RBFOX1: variants seen among roughly 807,000 people sequenced by gnomAD.
RBFOX1 encodes RNA binding fox-1 homolog 1, also known as RNA binding protein fox-1 homolog 1.
In RBFOX1, 8 loss-of-function variants were observed where a neutral mutation model predicts 57.7. The observed-to-expected ratio is 0.14, with a 90% confidence interval of 0.08 to 0.25. The LOEUF (loss-of-function observed/expected upper bound fraction) is 0.25. Ranked by LOEUF, RBFOX1 falls within the 10% of genes least tolerant of loss-of-function variation. The pLI, the probability that RBFOX1 is intolerant of heterozygous loss-of-function variation, is 1.00. For missense variants in RBFOX1, 611 were observed against 548.5 expected, an observed-to-expected ratio of 1.11 and a Z score of -1.14; for synonymous variants, 326 against 222.4, an observed-to-expected ratio of 1.47 and a Z score of -4.15.
chr16:7,387,941 G>A (rs2097912458), intron 4 of RBFOX1, among the ~76,000 whole-genome samples: 1 of 152,132 alleles, frequency 6.6e-6, no homozygotes, highest in East Asian at 1.9e-4. Context: ...TTGTTGGAAG[G>A]GTCAAAGCAT....
At chr16:6,721,106 C>G (rs1254778037) in intron 3 of RBFOX1, among the ~76,000 whole-genome samples, 1 of 151,742 alleles carries the variant, frequency 6.6e-6, no homozygotes, top group African/African-American at 2.4e-5. Flanking sequence ...TTTATGTAAC[C>G]ATTTTAAAAA....
At chr16:5,444,335 C>T (rs1345637328) in intron 1 of RBFOX1, among the ~76,000 whole-genome samples, 1 of 152,210 alleles carries the variant, frequency 6.6e-6, no homozygotes, top group Non-Finnish European at 1.5e-5. Context: ...CTTTAGTTGT[C>T]AGTGGGTCAT....
Position 6,838,544 on chromosome 16 carries a change from C to G in RBFOX1, c.-16+183894C>G, listed in dbSNP as rs567158271. Among the ~76,000 whole-genome samples, 5 of 152,290 alleles carry G rather than the reference C, an allele frequency of 3.3e-5. No individual in the cohort carries two copies. In the East Asian group the frequency reaches 7.7e-4, roughly 24 times the overall value. On this transcript the variant is annotated intron_variant, in intron 3 of 15. Coordinates refer to ENST00000550418, the MANE Select transcript of RBFOX1 (RefSeq NM_018723.4). ...CAACTGCAAAACTGCTTCTGAGCTG[C>G]TACTCTGCACACACTGCCTATGAGG...
intron 2 of RBFOX1, among the ~76,000 whole-genome samples, chr16:6,499,304 A>T (rs1049548993): frequency 2.0e-5 from 3 of 152,192 alleles, no homozygotes; most frequent in African/African-American, 7.2e-5. Flanking sequence ...CCTTTTATGC[A>T]CTAATCGAGC....
intron 1 of RBFOX1, among the ~76,000 whole-genome samples, chr16:5,275,701 G>GTT (rs539520252): frequency 6.9e-4 from 105 of 152,206 alleles, no homozygotes; most frequent in Non-Finnish European, 1.3e-3. Context: ...AAATTCATCT[G>GTT]GAAGTATAAA....
intron 1 of RBFOX1, among the ~76,000 whole-genome samples, chr16:6,215,913 A>T (rs1323068602): frequency 6.6e-6 from 1 of 152,178 alleles, no homozygotes; most frequent in Non-Finnish European, 1.5e-5. Flanking sequence ...GTGGAGTAAA[A>T]GGCAGTGATA....
rs1203704994 is a variant in RBFOX1 at position 7,062,337 on chromosome 16, AAG to A, written c.27+10241_27+10242del. 3.1e-3 allele frequency among the ~76,000 whole-genome samples: 433 copies of A among 140,716 alleles called. 2 individuals carry two copies. Among genetic ancestry groups the A allele is most frequent in the African/African-American group, 4.4e-3 (162 of 36,458 alleles). 92.3% of individuals were successfully genotyped at this position (140,716 alleles called of 152,430 possible). On this transcript the variant is annotated intron_variant, in intron 4 of 15. Coordinates refer to ENST00000550418, the MANE Select transcript of RBFOX1 (RefSeq NM_018723.4). ...CATCTCAAAAAAAAAAAAAAAAAAA[AAG>A]AAAAGAAAAAAGGAAAAATGGTAAT...
At chr16:5,370,483 T>C (rs1308943906) in intron 1 of RBFOX1, among the ~76,000 whole-genome samples, 1 of 151,698 alleles carries the variant, frequency 6.6e-6, no homozygotes, top group African/African-American at 2.4e-5. Flanking sequence ...TTTTGGCTTT[T>C]TACAAAATTA....
At chr16:6,197,039 A>T (rs2152821773) in intron 1 of RBFOX1, among the ~76,000 whole-genome samples, 1 of 152,318 alleles carries the variant, frequency 6.6e-6, no homozygotes, top group East Asian at 1.9e-4. Flanking sequence ...CTGTCCTCAG[A>T]TATATGTTAA....
At chr16:7,347,481 A>AGG (rs2097034793) in intron 4 of RBFOX1, among the ~76,000 whole-genome samples, 1 of 152,178 alleles carries the variant, frequency 6.6e-6, no homozygotes, top group Non-Finnish European at 1.5e-5. Flanking sequence ...ATTTCCCACC[A>AGG]GGTTCCTGTC....
chr16:6,631,117 TACTA>T (rs1372386464), intron 2 of RBFOX1, among the ~76,000 whole-genome samples: 1 of 152,016 alleles, frequency 6.6e-6, no homozygotes, highest in Non-Finnish European at 1.5e-5. Context: ...CAGAAAGAAT[TACTA>T]ACATGAAAAG....
chr16:5,251,891 A>T (rs1255487782), intron 1 of RBFOX1, among the ~76,000 whole-genome samples: 1 of 151,958 alleles, frequency 6.6e-6, no homozygotes, highest in East Asian at 1.9e-4. Flanking sequence ...ATTAACTTCA[A>T]GTTTAAAAAA....
chr16:6,161,505 T>C (rs1009537057), intron 1 of RBFOX1, among the ~76,000 whole-genome samples: 1 of 152,170 alleles, frequency 6.6e-6, no homozygotes, highest in Non-Finnish European at 1.5e-5. Flanking sequence ...AGCAGGGGTT[T>C]TGTCCTGCAG....
At chr16:5,268,338 C>T (rs1024055144) in intron 1 of RBFOX1, among the ~76,000 whole-genome samples, 1 of 152,176 alleles carries the variant, frequency 6.6e-6, no homozygotes. Flanking sequence ...AGAGATTCCT[C>T]AGCACATCAT....
intron 4 of RBFOX1, among the ~76,000 whole-genome samples, chr16:7,159,844 G>C (rs760553179): frequency 6.6e-6 from 1 of 152,090 alleles, no homozygotes; most frequent in African/African-American, 2.4e-5. Flanking sequence ...TTGCATACTT[G>C]GAATGGAAAA....
intron 4 of RBFOX1, among the ~76,000 whole-genome samples, chr16:7,166,793 A>G (rs1424814206): frequency 6.6e-6 from 1 of 151,960 alleles, no homozygotes; most frequent in Admixed American, 6.5e-5. Flanking sequence ...AGACAGCCAA[A>G]GGAGTGCTGC....
At chr16:6,507,564 C>G (rs76271373) in intron 2 of RBFOX1, among the ~76,000 whole-genome samples, 1,985 of 150,392 alleles carry the variant, frequency 0.013, 51 homozygotes, top group African/African-American at 0.046. Flanking sequence ...TCCAGCTACC[C>G]CCAGGCTGAG....
chr16:5,694,440 C>A (rs1046034786), intron 3 of RBFOX1, among the ~76,000 whole-genome samples: 3 of 152,190 alleles, frequency 2.0e-5, no homozygotes, highest in Non-Finnish European at 4.4e-5. Flanking sequence ...TTCGTGAACA[C>A]AACTTCTGAA....
In RBFOX1 at chr16:6,936,032, C is replaced by G. The variant is rs116575585; in HGVS notation, c.-15-116025C>G. 4.4e-3 allele frequency among the ~76,000 whole-genome samples: 675 copies of G among 152,272 alleles called. 4 individuals carry two copies. The highest frequency in any genetic ancestry group is 0.015 in the African/African-American group (623 of 41,556). ...AGTTTGGATAATGGCAAGAGGGTTT[C>G]TTCTCAATGCGCAAGAGTATTTTGC... On this transcript the variant is annotated intron_variant, in intron 3 of 15. Coordinates refer to ENST00000550418, the MANE Select transcript of RBFOX1 (RefSeq NM_018723.4).
Sources: gnomAD v4.1 joint callset for allele counts (sites outside exome capture counted in the v4.1 genomes callset) on GRCh38, gnomAD v4.1.1 for gene constraint, MANE v1.5 for transcripts, NCBI Gene and HGNC (gene_info 2026-07-23, HGNC 2026-07-21) for gene names.